Variants in DERA observed in about 807,000 individuals in gnomAD.
DERA encodes the protein 2-deoxy-D-ribose 5-phosphate aldolase.
In DERA, 15 loss-of-function variants were observed where a neutral mutation model predicts 41.1. The observed-to-expected ratio is 0.37, with a 90% CI of 0.24 to 0.56. The LOEUF is 0.56. Among genes scored for constraint, DERA ranks in the 20% least tolerant of loss-of-function variants. The pLI is 0.81. For missense variants in DERA, 396 were observed against 403.4 expected, an observed-to-expected ratio of 0.98 and a Z score of 0.16; for synonymous variants, 139 against 137.4, an observed-to-expected ratio of 1.01 and a Z score of -0.08.
rs139201548 is a variant in DERA, at chr12:15,959,795, T to C, written c.278-34T>C. ...AGCATGTTGTATGAGTTGAACTTCA[T>C]TGAAAGTTGGCTATTCCTATTTTTT... On this transcript the variant is annotated intron_variant, in intron 3 of 8. Coordinates refer to ENST00000428559, the MANE Select transcript of DERA (RefSeq NM_015954.4). The surrounding 1 kb of genome is among the most constrained non-coding windows in gnomAD (Gnocchi z 4.5). 13 of 1,456,916 alleles carry C rather than the reference T, an allele frequency of 8.9e-6. 1 individual carries two copies. The highest frequency in any genetic ancestry group is 6.3e-5 in the South Asian group (5 of 79,836). The allele number at this position is 1,456,916 out of a possible 1,614,324, so 90.2% of individuals were successfully genotyped here. A position where few individuals can be genotyped will look rare whatever the true frequency, so the allele number is the denominator to read the frequency against.
At chr12:15,919,815 A>G (rs1423412191) in intron 1 of DERA, among the ~76,000 whole-genome samples, 1 of 152,216 alleles carries the variant, frequency 6.6e-6, no homozygotes, top group Non-Finnish European at 1.5e-5. Context: ...AAAAGGTGCC[A>G]CTTAACTGGT....
chr12:15,945,712 C>T (rs913015207), intron 1 of DERA, among the ~76,000 whole-genome samples: 1 of 152,118 alleles, frequency 6.6e-6, no homozygotes, highest in Non-Finnish European at 1.5e-5. Context: ...ATTGAATACC[C>T]TTTATTTCTT....
Position 16,036,820 on chromosome 12 carries a change from A to C in DERA, c.*74A>C. 4 of 1,169,062 alleles carry C rather than the reference A, an allele frequency of 3.4e-6. No homozygotes were observed. The highest frequency in any genetic ancestry group is 4.8e-5 in the Admixed American group (2 of 41,554). 72.4% of individuals were successfully genotyped at this position (1,169,062 alleles called of 1,614,324 possible). On this transcript the variant is annotated 3_prime_UTR_variant, in exon 9 of 9. Transcript: ENST00000428559. The surrounding 1 kb of genome is among the most constrained non-coding windows in gnomAD (Gnocchi z 4.9). The stretch of plus-strand genomic sequence containing the variant: ...ATTTTTCTACGTAATTGCTAAAATT[A>C]TTTAATTAAAAAATTGGGCAGTAGG...
chr12:15,993,781 C>T lies in DERA; in HGVS notation c.637+11345C>T, dbSNP rs1456484871. 2.6e-5 allele frequency among the ~76,000 whole-genome samples: 4 copies of T among 152,066 alleles called. No homozygotes were observed. The highest frequency in any genetic ancestry group is 2.0e-4 in the Admixed American group (3 of 15,274). ...TAAAGTTTACCCCCACCTGGCCCCT[C>T]GCTATCCTTTGTTGAGTGGAAAACA... On this transcript the variant is annotated intron_variant, in intron 6 of 8. Coordinates refer to ENST00000428559, the MANE Select transcript of DERA (RefSeq NM_015954.4). This position sits in a 1 kb window ranked among gnomAD's most constrained non-coding sequence, Gnocchi z 4.4.
At chr12:15,912,083 C>A (rs1948168374) in intron 1 of DERA, among the ~76,000 whole-genome samples, 1 of 149,494 alleles carries the variant, frequency 6.7e-6, no homozygotes, top group Admixed American at 6.7e-5. Flanking sequence ...TTGGCAGGGT[C>A]ATAGGACAGT....
At chr12:15,945,137 G>A (rs918808798) in intron 1 of DERA, among the ~76,000 whole-genome samples, 1 of 152,166 alleles carries the variant, frequency 6.6e-6, no homozygotes, top group African/African-American at 2.4e-5. Context: ...CTGTAGCCTT[G>A]TAGTATAGTT....
At position 16,008,459 on chromosome 12, in the gene DERA, G is replaced by C. The variant is rs138553733; in HGVS notation, c.638-24083G>C. ...GTGTCTTAGGGGTGTCAGCTGCACAGAGCAGAGTGTGTGAGGGAAGGATAA... is the reference window on the plus strand; with the variant it reads ...GTGTCTTAGGGGTGTCAGCTGCACACAGCAGAGTGTGTGAGGGAAGGATAA... On this transcript the variant is annotated intron_variant, in intron 6 of 8. Coordinates refer to ENST00000428559, the MANE Select transcript of DERA (RefSeq NM_015954.4). This position sits in a 1 kb window ranked among gnomAD's most constrained non-coding sequence, Gnocchi z 4.8. Among the ~76,000 whole-genome samples the C allele has an allele frequency of 1.9e-3, 296 of 152,332 alleles. 1 individual carries two copies. The highest frequency in any genetic ancestry group is 6.2e-3 in the African/African-American group (256 of 41,578).
At chr12:15,932,881 A>ACT (rs78296062) in intron 1 of DERA, among the ~76,000 whole-genome samples, 40,607 of 151,760 alleles carry the variant, frequency 0.27, 5,671 homozygotes, top group Admixed American at 0.35. Context: ...ACACCATTCT[A>ACT]CTCTGTTTCT....
rs1949124461 is a variant in DERA, at chr12:16,035,891, C to A, written c.751-341C>A. ...GGGCTTTGCTTTTGTGATCTGTTTT[C>A]CTATTTATTGACACCTTCCTTGTTT... On this transcript the variant is annotated intron_variant, in intron 7 of 8. Transcript: ENST00000428559. This position sits in a 1 kb window ranked among gnomAD's most constrained non-coding sequence, Gnocchi z 4.1. 2.0e-5 allele frequency among the ~76,000 whole-genome samples: 3 copies of A among 152,224 alleles called. No homozygotes were observed. The South Asian group carries it at 6.2e-4, about 32-fold the overall frequency.
chr12:16,024,734 G>A (rs146637004), intron 6 of DERA, among the ~76,000 whole-genome samples: 1 of 152,178 alleles, frequency 6.6e-6, no homozygotes, highest in African/African-American at 2.4e-5. Context: ...TTCTCAGGGA[G>A]AAGAAAACTT....
chr12:15,912,392 A>C (rs1948171290), intron 1 of DERA, among the ~76,000 whole-genome samples: 1 of 152,214 alleles, frequency 6.6e-6, no homozygotes, highest in South Asian at 2.1e-4. Context: ...CAGATTTCTT[A>C]ACATGTGAAA....
chr12:15,935,757 C>T lies in DERA; in HGVS notation c.32-21179C>T, dbSNP rs1232329044. On this transcript the variant is annotated intron_variant, in intron 1 of 8. Transcript: ENST00000428559. The surrounding 1 kb of genome is among the most constrained non-coding windows in gnomAD (Gnocchi z 4.8). ...TTTGTTGTTGTGTAATATATTACTC[C>T]AAAATTTAGGGGCCTGAAACAATAA... Among the ~76,000 whole-genome samples the T allele has an allele frequency of 6.6e-6, 1 of 151,916 alleles. No homozygotes were observed. Among genetic ancestry groups the T allele is most frequent in the Non-Finnish European group, 1.5e-5 (1 of 68,004 alleles).
chr12:15,960,971 C>A (rs1053441783), intron 4 of DERA, among the ~76,000 whole-genome samples: 2 of 152,114 alleles, frequency 1.3e-5, no homozygotes, highest in African/African-American at 4.8e-5. Context: ...AGAGGGAGAT[C>A]AGGGCAGAAT....
At chr12:15,986,480 C>T (rs568709216) in intron 6 of DERA, among the ~76,000 whole-genome samples, 1 of 152,264 alleles carries the variant, frequency 6.6e-6, no homozygotes, top group East Asian at 1.9e-4. Flanking sequence ...TATCTACAGA[C>T]TCTTTGCACA....
intron 1 of DERA, chr12:15,951,238 T>A (rs1948495364): frequency 6.6e-6 from 1 of 152,232 alleles, no homozygotes; most frequent in Non-Finnish European, 1.5e-5. Flanking sequence ...ATCTCATCCC[T>A]TTGTAATGTT....
chr12:16,036,517 A>G lies in DERA; in HGVS notation c.900+136A>G. 2.6e-6 allele frequency: 3 copies of G among 1,168,694 alleles called. No homozygotes were observed. Among genetic ancestry groups the G allele is most frequent in the Non-Finnish European group, 3.6e-6 (3 of 838,906 alleles). 72.4% of individuals were successfully genotyped at this position (1,168,694 alleles called of 1,614,324 possible). A position where few individuals can be genotyped will look rare whatever the true frequency, so the allele number is the denominator to read the frequency against. On this transcript the variant is annotated intron_variant, in intron 8 of 8. Coordinates refer to ENST00000428559, the MANE Select transcript of DERA (RefSeq NM_015954.4). The surrounding 1 kb of genome is among the most constrained non-coding windows in gnomAD (Gnocchi z 4.9). ...TACCCAATCCTCTACCTTTTCTTCC[A>G]AGCAAACCGCCATCAGAAGTGAGTA...
intron 6 of DERA, among the ~76,000 whole-genome samples, chr12:16,029,625 C>T (rs1278443144): frequency 6.6e-6 from 1 of 151,718 alleles, no homozygotes; most frequent in Non-Finnish European, 1.5e-5. Context: ...TTGAGCTTCT[C>T]CTGTGTGTCG....
Position 16,019,032 on chromosome 12 carries a change from A to C in DERA, c.638-13510A>C, listed in dbSNP as rs2136183570. On this transcript the variant is annotated intron_variant, in intron 6 of 8. Transcript: ENST00000428559. The surrounding 1 kb of genome is among the most constrained non-coding windows in gnomAD (Gnocchi z 4.4). ...CAGAGGTAAGCTTGGCTAATGTTAGATTTATGTGAGCTCTGAAGAGAGTCT... is the reference window on the plus strand; with the variant it reads ...CAGAGGTAAGCTTGGCTAATGTTAGCTTTATGTGAGCTCTGAAGAGAGTCT... Among the ~76,000 whole-genome samples, 1 of 152,236 alleles carries C rather than the reference A, an allele frequency of 6.6e-6. No homozygotes were observed. The highest frequency in any genetic ancestry group is 1.9e-4 in the East Asian group (1 of 5,172).
intron 6 of DERA, among the ~76,000 whole-genome samples, chr12:16,016,194 A>C (rs187799346): frequency 6.6e-6 from 1 of 152,196 alleles, no homozygotes; most frequent in South Asian, 2.1e-4. Flanking sequence ...CAGTGCTTCA[A>C]CCATAACACT....
Sources: allele counts gnomAD v4.1 joint callset (sites outside exome capture counted in the v4.1 genomes callset), GRCh38; gene constraint gnomAD v4.1.1; non-coding constraint Gnocchi (gnomAD v3.1); transcripts MANE v1.5; gene names NCBI Gene and HGNC (gene_info 2026-07-23, HGNC 2026-07-21).